C4orf36: variants seen among roughly 807,000 people sequenced by gnomAD.
The protein encoded by C4orf36 is chromosome 4 open reading frame 36.
Under a neutral mutation model 12.2 loss-of-function variants are expected in C4orf36, and 11 were observed. That is an observed-to-expected ratio of 0.90 (90% CI 0.57 to 1.49). The LOEUF (loss-of-function observed/expected upper bound fraction) is 1.49, where lower values mean the gene tolerates loss of function less well. Ranked by LOEUF, C4orf36 falls within the 40% of genes most tolerant of loss-of-function variation. C4orf36 has a pLI of 0.00. For synonymous variants in C4orf36, 54 were observed against 51.3 expected (o/e 1.05, Z -0.22); for missense variants, 137 against 133.9 (o/e 1.02, Z -0.11).
At chr4:86,899,207 C>A in the C4orf36 span, among the ~76,000 whole-genome samples, 1 of 152,114 alleles carries the variant, frequency 6.6e-6, no homozygotes, top group Non-Finnish European at 1.5e-5. Context: ...ATTATTAATT[C>A]TTTCTCAGCT....
chr4:86,876,634 T>A, intron 4 of C4orf36, 191 bp from the exon 5 acceptor site: 1 of 1,613,568 alleles, frequency 6.2e-7, no homozygotes, highest in Non-Finnish European at 8.5e-7. Context: ...CAGAAGAAAA[T>A]TTCTGGATGG....
At position 86,891,462 on chromosome 4, in the gene C4orf36, T is replaced by A; in HGVS notation, c.59A>T (p.Tyr20Phe). 6.2e-7 allele frequency: 1 copy of A among 1,613,688 alleles called. No individual in the cohort carries two copies. The highest frequency in any genetic ancestry group is 8.5e-7 in the Non-Finnish European group (1 of 1,179,862). ...TVKTILRGSC[Y>F]NVQEPWDIAL... ...AAAAAAAAATAGTACTTACACATTA[T>A]AACAACTGCCCCGCAAAATGGTTTT... The change falls in exon 2 of 5, where the codon TAT becomes TTT. Residue 20 changes from tyrosine (Y) to phenylalanine (F), a missense_variant. Coordinates refer to ENST00000295898, the MANE Select transcript of C4orf36 (RefSeq NM_144645.4).
the C4orf36 span, among the ~76,000 whole-genome samples, chr4:86,899,152 G>C: frequency 3.3e-5 from 5 of 152,210 alleles, no homozygotes; most frequent in Admixed American, 2.6e-4. Flanking sequence ...ATCTGTCTGA[G>C]GATTTTACTC....
chr4:86,922,622 T>G, the C4orf36 span, among the ~76,000 whole-genome samples: 3 of 152,070 alleles, frequency 2.0e-5, no homozygotes, highest in South Asian at 4.1e-4. Context: ...ATCTCCTTGT[T>G]GTAGATTTTG....
chr4:86,926,657 T>A, the C4orf36 span, among the ~76,000 whole-genome samples: 601 of 152,298 alleles, frequency 3.9e-3, 4 homozygotes, highest in African/African-American at 0.014. Flanking sequence ...AGGGTCATTC[T>A]CAGGGTATGC....
chr4:86,913,718 G>A, the C4orf36 span: 1 of 1,598,226 alleles, frequency 6.3e-7, no homozygotes, highest in South Asian at 1.1e-5. Flanking sequence ...TGGCAGAGAA[G>A]CTGACCCTGT....
intron 4 of C4orf36, 128 bp downstream of exon 4, chr4:86,887,630 T>C (rs1371562568): frequency 9.2e-7 from 1 of 1,091,790 alleles, no homozygotes; most frequent in Non-Finnish European, 1.3e-6. Context: ...AACCCACAGC[T>C]GTGGGCAGTG....
At chr4:86,923,094 T>C in the C4orf36 span, among the ~76,000 whole-genome samples, 1 of 151,250 alleles carries the variant, frequency 6.6e-6, no homozygotes, top group Non-Finnish European at 1.5e-5. Context: ...TGCCTTTTTT[T>C]TTTTTTTTTA....
chr4:86,898,210 G>A, the C4orf36 span, among the ~76,000 whole-genome samples: 68,527 of 151,946 alleles, frequency 0.45, 17,102 homozygotes, highest in South Asian at 0.68. Flanking sequence ...TGGCCAACAT[G>A]GTGAAACCCC....
At chr4:86,903,001 A>C in the C4orf36 span, among the ~76,000 whole-genome samples, 1 of 152,202 alleles carries the variant, frequency 6.6e-6, no homozygotes, top group Non-Finnish European at 1.5e-5. Flanking sequence ...TGGAAGGTAC[A>C]TGGTGGCTTC....
chr4:86,933,206 T>C, the C4orf36 span: 1 of 152,174 alleles, frequency 6.6e-6, no homozygotes. Context: ...TAATTTGATT[T>C]AGTCTTTTTA....
the C4orf36 span, chr4:86,935,426 A>T: frequency 6.6e-6 from 1 of 152,360 alleles, no homozygotes. Context: ...GCTAGGGCTC[A>T]GAGCTCTCAC....
intron 2 of C4orf36, among the ~76,000 whole-genome samples, chr4:86,891,197 T>C (rs978862389): frequency 1.3e-5 from 2 of 151,344 alleles, no homozygotes; most frequent in African/African-American, 4.9e-5. Context: ...TACAGGACTG[T>C]GACTTTGATC....
the C4orf36 span, among the ~76,000 whole-genome samples, chr4:86,903,100 G>A: frequency 1.3e-5 from 2 of 152,192 alleles, no homozygotes; most frequent in Non-Finnish European, 2.9e-5. Flanking sequence ...GTACATTTAT[G>A]TTTATGCATC....
At chr4:86,901,633 G>C in the C4orf36 span, among the ~76,000 whole-genome samples, 1 of 150,580 alleles carries the variant, frequency 6.6e-6, no homozygotes, top group Non-Finnish European at 1.5e-5. Context: ...GGATGGTCTC[G>C]ATTTCCTGAC....
At chr4:86,918,810 C>CGTGTGT in the C4orf36 span, among the ~76,000 whole-genome samples, 45 of 150,132 alleles carry the variant, frequency 3.0e-4, no homozygotes, top group East Asian at 4.7e-3. Flanking sequence ...GTTGTGTGTG[C>CGTGTGT]GTGTGTGTGT....
At chr4:86,913,520 G>A in the C4orf36 span, 1 of 848,960 alleles carries the variant, frequency 1.2e-6, no homozygotes, top group Non-Finnish European at 2.0e-6. Flanking sequence ...TGGAGATGAA[G>A]GTCAGGCAGC....
At chr4:86,901,411 T>C in the C4orf36 span, among the ~76,000 whole-genome samples, 2 of 152,048 alleles carry the variant, frequency 1.3e-5, no homozygotes, top group Non-Finnish European at 2.9e-5. Context: ...TTTATTTATT[T>C]ATTTTTTATT....
the C4orf36 span, among the ~76,000 whole-genome samples, chr4:86,909,420 C>T: frequency 1.5e-4 from 23 of 152,274 alleles, no homozygotes; most frequent in African/African-American, 5.3e-4. Flanking sequence ...AAACAGCAAA[C>T]CGGCTGCAGG....
Sources: allele counts gnomAD v4.1 joint callset (sites outside exome capture counted in the v4.1 genomes callset), GRCh38; gene constraint gnomAD v4.1.1; transcripts MANE v1.5; gene names NCBI Gene and HGNC (gene_info 2026-07-23, HGNC 2026-07-21).